The following PPP6R3 variants were observed in gnomAD, a reference collection of about 807,000 sequenced individuals.
PPP6R3 encodes the protein protein phosphatase 6 regulatory subunit 3.
PPP6R3 carries 38 observed loss-of-function variants against 110.7 expected under a neutral mutation model. The ratio of observed to expected loss-of-function variants is 0.34; its 90% CI spans 0.26 to 0.45. PPP6R3 has a LOEUF of 0.45. Among genes scored for constraint, PPP6R3 ranks in the 20% least tolerant of loss-of-function variants. The pLI, the probability that PPP6R3 is intolerant of heterozygous loss-of-function variation, is 1.00. For synonymous variants in PPP6R3, 369 were observed against 373.5 expected (o/e 0.99, Z 0.14); for missense variants, 870 against 1,062.4 (o/e 0.82, Z 2.52).
At chr11:68,610,588 A>G (rs1171868124) in intron 23 of PPP6R3, among the ~76,000 whole-genome samples, 1 of 152,146 alleles carries the variant, frequency 6.6e-6, no homozygotes, top group East Asian at 1.9e-4. Flanking sequence ...TTTTGTTTCT[A>G]GTCACTTTTT....
chr11:68,572,694 T>C (rs1176417364), intron 12 of PPP6R3, among the ~76,000 whole-genome samples: 6 of 151,868 alleles, frequency 4.0e-5, no homozygotes, highest in African/African-American at 1.5e-4. Flanking sequence ...TACAAAAAAT[T>C]AGCCGGATGT....
rs1352578731 is a variant in PPP6R3 at position 68,614,141 on chromosome 11, A to T, written c.*1024A>T. On this transcript the variant is annotated 3_prime_UTR_variant, in exon 24 of 24. Coordinates refer to ENST00000393800, the MANE Select transcript of PPP6R3 (RefSeq NM_001164161.2). ...TTTTACAGGCTAGTATTTTAAAAGT[A>T]GAAATCAAAATCTGGCACCGAAGCA... 4.1e-6 allele frequency: 4 copies of T among 986,410 alleles called. No homozygotes were observed. In the African/African-American group the frequency reaches 7.0e-5, roughly 17 times the overall value. 61.1% of individuals were successfully genotyped at this position (986,410 alleles called of 1,614,324 possible).
chr11:68,605,427 T>C (rs1359922658), intron 22 of PPP6R3, among the ~76,000 whole-genome samples: 1 of 152,210 alleles, frequency 6.6e-6, no homozygotes, highest in African/African-American at 2.4e-5. Context: ...AGAATGCCAT[T>C]ATAATTCAAT....
At chr11:68,612,541 T>C (rs1208855960) in intron 23 of PPP6R3, among the ~76,000 whole-genome samples, 1 of 152,124 alleles carries the variant, frequency 6.6e-6, no homozygotes, top group Non-Finnish European at 1.5e-5. Flanking sequence ...GCCTAACATT[T>C]GCTTTGTGGG....
intron 2 of PPP6R3, among the ~76,000 whole-genome samples, chr11:68,525,815 C>T (rs759225004): frequency 4.6e-5 from 7 of 152,140 alleles, no homozygotes; most frequent in Non-Finnish European, 1.0e-4. Context: ...TCTTTGGGTA[C>T]CTTGTCTGTA....
chr11:68,506,491 G>T (rs2099078371), intron 1 of PPP6R3, among the ~76,000 whole-genome samples: 1 of 144,448 alleles, frequency 6.9e-6, no homozygotes, highest in Non-Finnish European at 1.5e-5. Context: ...TATTTATAGG[G>T]TACAAAGTGA....
At chr11:68,553,227 T>C (rs188520178) in intron 6 of PPP6R3, among the ~76,000 whole-genome samples, 1 of 152,286 alleles carries the variant, frequency 6.6e-6, no homozygotes, top group African/African-American at 2.4e-5. Flanking sequence ...GTAAGGTCAA[T>C]ACACTGAGAG....
intron 23 of PPP6R3, chr11:68,612,832 C>G (rs1194803442): frequency 1.3e-6 from 1 of 749,310 alleles, no homozygotes; most frequent in Non-Finnish European, 2.0e-6. Context: ...AGCATTTGCT[C>G]TGCTGCTGCC....
At chr11:68,575,388 T>G (rs1223820838) in intron 13 of PPP6R3, among the ~76,000 whole-genome samples, 3 of 152,218 alleles carry the variant, frequency 2.0e-5, no homozygotes, top group Non-Finnish European at 4.4e-5. Context: ...ATTACCTGTG[T>G]ATCCACGTTG....
chr11:68,557,324 G>A (rs1354892891), intron 7 of PPP6R3, among the ~76,000 whole-genome samples: 1 of 152,014 alleles, frequency 6.6e-6, no homozygotes, highest in Non-Finnish European at 1.5e-5. Context: ...TACTAGTTTT[G>A]TTTCCCCAAA....
intron 2 of PPP6R3, among the ~76,000 whole-genome samples, chr11:68,537,017 T>C (rs2099274610): frequency 6.6e-6 from 1 of 152,218 alleles, no homozygotes; most frequent in Non-Finnish European, 1.5e-5. Context: ...TAACAAACTC[T>C]GTTTTCCTTG....
At chr11:68,473,186 A>G (rs1349891366) in intron 1 of PPP6R3, among the ~76,000 whole-genome samples, 2 of 152,206 alleles carry the variant, frequency 1.3e-5, no homozygotes, top group Non-Finnish European at 2.9e-5. Flanking sequence ...GACCATGATT[A>G]GAGGGTTGGG....
intron 12 of PPP6R3, 33 bp from the exon 13 acceptor site, chr11:68,574,076 G>C: frequency 6.8e-7 from 1 of 1,468,448 alleles, no homozygotes; most frequent in Non-Finnish European, 9.5e-7. Flanking sequence ...ATCCTATCAG[G>C]AATCTGAGTA....
chr11:68,487,662 T>C (rs775141837), intron 1 of PPP6R3, among the ~76,000 whole-genome samples: 6 of 152,184 alleles, frequency 3.9e-5, no homozygotes, highest in Non-Finnish European at 8.8e-5. Context: ...TATTTAGAAG[T>C]ATATTATTTA....
At chr11:68,502,596 G>C (rs914187752) in intron 1 of PPP6R3, among the ~76,000 whole-genome samples, 6 of 152,144 alleles carry the variant, frequency 3.9e-5, no homozygotes, top group African/African-American at 1.4e-4. Context: ...CCTTATTCCA[G>C]GTTGTGGCAA....
At chr11:68,597,204 G>GCATTT (rs964440514) in intron 19 of PPP6R3, among the ~76,000 whole-genome samples, 27 of 152,208 alleles carry the variant, frequency 1.8e-4, no homozygotes, top group African/African-American at 6.5e-4. Flanking sequence ...GCAGTGCAGG[G>GCATTT]GAATGGGTAC....
At chr11:68,606,515 C>T (rs1940077838) in intron 22 of PPP6R3, among the ~76,000 whole-genome samples, 1 of 149,704 alleles carries the variant, frequency 6.7e-6, no homozygotes, top group Non-Finnish European at 1.5e-5. Context: ...GGGGTTTCAC[C>T]ATGTTGCCCA....
intron 12 of PPP6R3, among the ~76,000 whole-genome samples, chr11:68,573,156 T>TA (rs1565936514): frequency 6.1e-5 from 3 of 49,520 alleles, no homozygotes; most frequent in African/African-American, 2.5e-4. Flanking sequence ...ATATATATAA[T>TA]TTTTTTTTTT....
chr11:68,589,015 C>T (rs1041831454), intron 16 of PPP6R3, among the ~76,000 whole-genome samples: 6 of 151,774 alleles, frequency 4.0e-5, no homozygotes, highest in South Asian at 4.2e-4. Flanking sequence ...GAGACCAGCC[C>T]GGCCAACGTG....
Sources: gnomAD v4.1 joint callset for allele counts (sites outside exome capture counted in the v4.1 genomes callset) on GRCh38, gnomAD v4.1.1 for gene constraint, MANE v1.5 for transcripts, NCBI Gene and HGNC (gene_info 2026-07-23, HGNC 2026-07-21) for gene names.